Variants in FNDC3A observed in about 807,000 individuals in gnomAD.
FNDC3A encodes the protein fibronectin type III domain containing 3A.
A neutral mutation model predicts 148.9 loss-of-function variants in FNDC3A; 32 were observed. That is an observed-to-expected ratio of 0.21 (90% CI 0.16 to 0.29). FNDC3A has a LOEUF of 0.29. FNDC3A is among the 10% of genes least tolerant of loss of function. FNDC3A has a pLI of 1.00. For missense variants in FNDC3A, 1,191 were observed against 1,452.8 expected (o/e 0.82, Z 2.93); for synonymous variants, 472 against 473.6 (o/e 1.00, Z 0.04).
chr13:49,187,268 C>T, intron 16 of FNDC3A, 78 bp downstream of exon 16: 1 of 1,081,270 alleles, frequency 9.2e-7, no homozygotes, highest in Non-Finnish European at 1.4e-6. Context: ...CATTTTATGT[C>T]ATATCTTTTC....
intron 2 of FNDC3A, among the ~76,000 whole-genome samples, chr13:49,021,519 G>C (rs1332429884): frequency 6.6e-6 from 1 of 152,154 alleles, no homozygotes; most frequent in African/African-American, 2.4e-5. Context: ...GTGGCTGCTA[G>C]TCTGCTGGTT....
intron 1 of FNDC3A, among the ~76,000 whole-genome samples, chr13:48,994,730 A>G (rs375312413): frequency 5.9e-5 from 9 of 151,968 alleles, no homozygotes; most frequent in African/African-American, 2.2e-4. Flanking sequence ...GTGAGCCGAG[A>G]TGTGCCACTG....
At chr13:49,050,180 T>C (rs1593519029) in intron 2 of FNDC3A, among the ~76,000 whole-genome samples, 1 of 152,244 alleles carries the variant, frequency 6.6e-6, no homozygotes, top group East Asian at 1.9e-4. Flanking sequence ...TCTTCTGAGT[T>C]TGGATCTGGA....
At chr13:49,025,721 G>A (rs571492044) in intron 2 of FNDC3A, among the ~76,000 whole-genome samples, 2 of 152,016 alleles carry the variant, frequency 1.3e-5, no homozygotes, top group African/African-American at 4.8e-5. Flanking sequence ...AAGGAGATTG[G>A]AGTTATGTTC....
In FNDC3A at chr13:49,093,312, A is replaced by G. The variant is rs77502542; in HGVS notation, c.175+17948A>G. ...ACAATAGAATTGTCTTTATTTCAGC[A>G]CTTAGTCATTTCTAATTGCACAGAT... On this transcript the variant is annotated intron_variant, in intron 3 of 25. Transcript: ENST00000492622. 8.3e-3 allele frequency among the ~76,000 whole-genome samples: 1,257 copies of G among 152,308 alleles called. 19 individuals are homozygous for G. The highest frequency in any genetic ancestry group is 0.029 in the African/African-American group (1,188 of 41,576).
chr13:49,160,559 C>G lies in FNDC3A; in HGVS notation c.978-6685C>G, dbSNP rs566016406. Among the ~76,000 whole-genome samples, 430 of 151,974 alleles carry G rather than the reference C, an allele frequency of 2.8e-3. 1 individual carries two copies. The highest frequency in any genetic ancestry group is 9.9e-3 in the African/African-American group (410 of 41,430). On this transcript the variant is annotated intron_variant, in intron 8 of 25. Transcript: ENST00000492622. The stretch of plus-strand genomic sequence containing the variant: ...GGTCTATCAATTTTGTTGATCTTTT[C>G]AGAAAACCAGCTCCTGGATTCATTA...
intron 8 of FNDC3A, 37 bp from the exon 9 acceptor site, chr13:49,167,203 CTTTA>C (rs1330490500): frequency 2.3e-6 from 3 of 1,288,520 alleles, no homozygotes; most frequent in Non-Finnish European, 3.3e-6. Flanking sequence ...GTTGAAAATG[CTTTA>C]TTTATCAGAC....
intron 8 of FNDC3A, among the ~76,000 whole-genome samples, chr13:49,159,229 A>G (rs1394167059): frequency 6.6e-6 from 1 of 152,054 alleles, no homozygotes; most frequent in Admixed American, 6.5e-5. Flanking sequence ...CATTTTCACG[A>G]TATTGATTCT....
At position 49,062,625 on chromosome 13, in the gene FNDC3A, G is replaced by T. The variant is rs1876976020; in HGVS notation, c.100-12664G>T. 2.0e-5 allele frequency among the ~76,000 whole-genome samples: 3 copies of T among 152,064 alleles called. No homozygotes were observed. In the South Asian group the frequency reaches 6.2e-4, roughly 32 times the overall value. On this transcript the variant is annotated intron_variant, in intron 2 of 25. Coordinates refer to ENST00000492622, the MANE Select transcript of FNDC3A (RefSeq NM_001079673.2). Reference sequence around the variant, plus strand: ...TCCTGTCTTTATCTTGCAGACTTCTGCTTGTCTCGCTGAATTCTGTGTAGT... The same window carrying T: ...TCCTGTCTTTATCTTGCAGACTTCTTCTTGTCTCGCTGAATTCTGTGTAGT...
intron 3 of FNDC3A, chr13:49,110,444 T>A: frequency 1.5e-6 from 2 of 1,346,750 alleles, no homozygotes. Flanking sequence ...GCTTTTATTT[T>A]AAGACAGAAA....
intron 12 of FNDC3A, 142 bp downstream of exon 12, chr13:49,174,701 A>G: frequency 2.9e-6 from 2 of 685,052 alleles, no homozygotes; most frequent in African/African-American, 1.8e-5. Flanking sequence ...ATGTGTTACC[A>G]GTCTAGCAAA....
chr13:49,138,998 C>T (rs981349472), intron 7 of FNDC3A, among the ~76,000 whole-genome samples, 193 bp downstream of exon 7: 4 of 152,194 alleles, frequency 2.6e-5, no homozygotes, highest in Non-Finnish European at 5.9e-5. Flanking sequence ...CTTTGAAGAG[C>T]TACATAGTTT....
At chr13:49,167,465 G>C (rs1884535125) in intron 9 of FNDC3A, among the ~76,000 whole-genome samples, 162 bp downstream of exon 9, 1 of 152,186 alleles carries the variant, frequency 6.6e-6, no homozygotes, top group South Asian at 2.1e-4. Flanking sequence ...CCAGCACTTT[G>C]GGTGGCCAAG....
intron 2 of FNDC3A, among the ~76,000 whole-genome samples, chr13:49,032,716 A>G (rs1355200736): frequency 1.3e-5 from 2 of 152,080 alleles, no homozygotes; most frequent in Non-Finnish European, 2.9e-5. Context: ...AGCCTGGGCG[A>G]CAGAGCGAGA....
chr13:49,033,579 G>A (rs1258653364), intron 2 of FNDC3A, among the ~76,000 whole-genome samples: 1 of 152,006 alleles, frequency 6.6e-6, no homozygotes, highest in Non-Finnish European at 1.5e-5. Context: ...TAGATTGCTG[G>A]AGAAGAAGCT....
chr13:49,118,104 G>A (rs1032525448), intron 4 of FNDC3A, among the ~76,000 whole-genome samples: 6 of 152,076 alleles, frequency 3.9e-5, no homozygotes, highest in Non-Finnish European at 8.8e-5. Context: ...CATTACACAG[G>A]GTAATCCAAA....
chr13:49,124,546 C>G (rs1430469713), intron 4 of FNDC3A, among the ~76,000 whole-genome samples: 1 of 151,722 alleles, frequency 6.6e-6, no homozygotes, highest in Non-Finnish European at 1.5e-5. Flanking sequence ...AAAGATGATA[C>G]ATAGTCCACA....
chr13:49,123,102 A>G (rs559733209), intron 4 of FNDC3A, among the ~76,000 whole-genome samples: 6 of 152,242 alleles, frequency 3.9e-5, no homozygotes, highest in Non-Finnish European at 7.3e-5. Context: ...AAACTATACT[A>G]CAAATCTACA....
intron 2 of FNDC3A, among the ~76,000 whole-genome samples, chr13:49,035,169 A>G (rs1282852061): frequency 1.3e-5 from 2 of 152,068 alleles, no homozygotes; most frequent in East Asian, 1.9e-4. Context: ...ATTATTGCCA[A>G]CCCACACATG....
Sources: gnomAD v4.1 joint callset for allele counts (sites outside exome capture counted in the v4.1 genomes callset) on GRCh38, gnomAD v4.1.1 for gene constraint, MANE v1.5 for transcripts, NCBI Gene and HGNC (gene_info 2026-07-23, HGNC 2026-07-21) for gene names.